Variants in MBD5 observed in about 807,000 individuals in gnomAD.
MBD5 encodes methyl-CpG-binding domain protein 5.
A neutral mutation model predicts 117.3 loss-of-function variants in MBD5; 13 were observed. The observed-to-expected ratio is 0.11, with a 90% confidence interval of 0.07 to 0.18. The LOEUF is 0.18. MBD5 is among the 10% of genes least tolerant of loss of function. The pLI is 1.00. For synonymous variants in MBD5, 727 were observed against 766.4 expected, an observed-to-expected ratio of 0.95 and a Z score of 0.85; for missense variants, 1,879 against 2,093.8, an observed-to-expected ratio of 0.90 and a Z score of 2.00.
intron 12 of MBD5, among the ~76,000 whole-genome samples, chr2:148,507,649 C>T (rs1280059091): frequency 6.6e-6 from 1 of 151,808 alleles, no homozygotes; most frequent in Non-Finnish European, 1.5e-5. Context: ...GTCCCAGCTA[C>T]TCGAGGGGGC....
chr2:148,502,424 A>G lies in MBD5; in HGVS notation c.4963-12A>G, dbSNP rs774986193. 2 of 1,613,532 alleles carry G rather than the reference A, an allele frequency of 1.2e-6. No individual in the cohort carries two copies. The highest frequency in any genetic ancestry group is 1.7e-6 in the Non-Finnish European group (2 of 1,179,528). On this transcript the variant is annotated splice_polypyrimidine_tract_variant and intron_variant, in intron 11 of 13. Coordinates refer to ENST00000642680, the MANE Select transcript of MBD5 (RefSeq NM_001378120.1). ...CTGGGTAATGTGGTTTGGTCTTCAT[A>G]CCTTCACTCAGGTGGAGCCCGAGAA... is the stretch of plus-strand genomic sequence containing the variant.
At position 148,470,026 on chromosome 2, in the gene MBD5, T is replaced by C. The variant is rs1195625553; in HGVS notation, c.2083T>C (p.Ser695Pro). 1 of 1,613,858 alleles carries C rather than the reference T, an allele frequency of 6.2e-7. No homozygotes were observed. Among genetic ancestry groups the C allele is most frequent in the Non-Finnish European group, 8.5e-7 (1 of 1,179,854 alleles). Residue 695 changes from serine (S) to proline (P), a missense_variant, in exon 8 of 14, where the codon TCA (serine) becomes CCA (proline). This residue lies in a region of MBD5 where 1,666 missense variants were observed against 1,792.2 expected (regional missense o/e 0.93). Transcript: ENST00000642680. ...CTTGCTAAGGAAGCAGGGTCAGGGT[T>C]CATTTCCCATCAGTTCAATGTCTCA... ...PDLLRKQGQG[S>P]FPISSMSQLL...
intron 8 of MBD5, among the ~76,000 whole-genome samples, chr2:148,481,239 T>C (rs538441711): frequency 6.6e-6 from 1 of 152,296 alleles, no homozygotes; most frequent in East Asian, 1.9e-4. Context: ...TCAATAAATA[T>C]AGTAAATACA....
At chr2:148,160,155 T>G (rs541397855) in intron 1 of MBD5, among the ~76,000 whole-genome samples, 9 of 152,120 alleles carry the variant, frequency 5.9e-5, no homozygotes, top group Non-Finnish European at 1.2e-4. Context: ...ATCCCAGCAC[T>G]TTGGGAGGCC....
chr2:148,142,896 A>G (rs965697465), intron 1 of MBD5, among the ~76,000 whole-genome samples: 7 of 152,212 alleles, frequency 4.6e-5, no homozygotes, highest in Non-Finnish European at 8.8e-5. Context: ...CAATTAGTAA[A>G]TCCAGGAGAA....
Position 148,125,403 on chromosome 2 carries a change from T to A in MBD5, c.-924-53297T>A, listed in dbSNP as rs149067575. On this transcript the variant is annotated intron_variant, in intron 1 of 13. Transcript: ENST00000642680. ...ATATAATGCTTACAAGCTAAATTAC[T>A]ATTAAATATACATTATGAAAATGGA... 9.1e-3 allele frequency among the ~76,000 whole-genome samples: 1,389 copies of A among 152,350 alleles called. 14 individuals are homozygous for A. Among genetic ancestry groups the A allele is most frequent in the African/African-American group, 0.031 (1,290 of 41,590 alleles).
chr2:148,361,001 C>T (rs1191217596), intron 4 of MBD5, among the ~76,000 whole-genome samples: 4 of 152,090 alleles, frequency 2.6e-5, no homozygotes, highest in Admixed American at 6.5e-5. Flanking sequence ...ATCTTCCCTC[C>T]GCTCCCCTCC....
chr2:148,298,131 A>G (rs1192003741), intron 3 of MBD5, among the ~76,000 whole-genome samples: 1 of 152,200 alleles, frequency 6.6e-6, no homozygotes, highest in Non-Finnish European at 1.5e-5. Context: ...TTTAAGCTCC[A>G]GTGTTCTCAG....
intron 4 of MBD5, among the ~76,000 whole-genome samples, chr2:148,384,631 C>T (rs1704281401): frequency 6.6e-6 from 1 of 151,930 alleles, no homozygotes. Flanking sequence ...CATATGGAAC[C>T]ACAAAAGAGT....
At chr2:148,182,095 G>C (rs994086961) in intron 2 of MBD5, among the ~76,000 whole-genome samples, 1 of 151,918 alleles carries the variant, frequency 6.6e-6, no homozygotes, top group African/African-American at 2.4e-5. Context: ...GAGTAGTAGT[G>C]ATGTTGGCCA....
At chr2:148,352,921 C>G (rs1703280789) in intron 4 of MBD5, among the ~76,000 whole-genome samples, 1 of 152,022 alleles carries the variant, frequency 6.6e-6, no homozygotes, top group Admixed American at 6.6e-5. Context: ...ATTTTATATT[C>G]TATCTACCCA....
At chr2:148,145,121 C>T (rs181132106) in intron 1 of MBD5, among the ~76,000 whole-genome samples, 2,230 of 144,576 alleles carry the variant, frequency 0.015, 26 homozygotes, top group Non-Finnish European at 0.025. Context: ...TCTTTTATTT[C>T]GTTGAGCAGT....
At chr2:148,206,512 A>G (rs1054707638) in intron 2 of MBD5, among the ~76,000 whole-genome samples, 2 of 152,158 alleles carry the variant, frequency 1.3e-5, no homozygotes, top group African/African-American at 4.8e-5. Flanking sequence ...TGAAATATAC[A>G]ACAAAATATT....
At chr2:148,172,142 G>C (rs1375947855) in intron 1 of MBD5, among the ~76,000 whole-genome samples, 1 of 152,234 alleles carries the variant, frequency 6.6e-6, no homozygotes, top group Non-Finnish European at 1.5e-5. Flanking sequence ...GCTGCAGGGG[G>C]GGAGGTGCAG....
intron 4 of MBD5, among the ~76,000 whole-genome samples, chr2:148,453,875 G>C (rs1706803797): frequency 6.6e-6 from 1 of 151,966 alleles, no homozygotes; most frequent in Non-Finnish European, 1.5e-5. Context: ...AAGAAACATG[G>C]CCTGAAATGC....
Position 148,406,100 on chromosome 2 carries a change from T to C in MBD5, c.-556-52103T>C, listed in dbSNP as rs568532935. 3.3e-5 allele frequency among the ~76,000 whole-genome samples: 5 copies of C among 152,166 alleles called. No individual in the cohort carries two copies. The East Asian group carries it at 9.7e-4, about 29-fold the overall frequency. ...ATCCCAGCTACTCCAGAGGCTGAGGTGGGACAATCACTTGAGCCATGAGGC... is the reference window on the plus strand; with the variant it reads ...ATCCCAGCTACTCCAGAGGCTGAGGCGGGACAATCACTTGAGCCATGAGGC... On this transcript the variant is annotated intron_variant, in intron 4 of 13. Transcript: ENST00000642680.
chr2:148,238,157 A>T lies in MBD5; in HGVS notation c.-680+4762A>T, dbSNP rs183788824. On this transcript the variant is annotated intron_variant, in intron 3 of 13. Coordinates refer to ENST00000642680, the MANE Select transcript of MBD5 (RefSeq NM_001378120.1). ...TCTATTTATGCCAAACTTGTTTTAC[A>T]TCATTGTTTCTGTTTTACTGCTGCT... Among the ~76,000 whole-genome samples, 3 of 152,346 alleles carry T rather than the reference A, an allele frequency of 2.0e-5. No homozygotes were observed. The East Asian group carries it at 5.8e-4, about 29-fold the overall frequency.
At chr2:148,120,167 G>A (rs55961509) in intron 1 of MBD5, among the ~76,000 whole-genome samples, 4,319 of 152,192 alleles carry the variant, frequency 0.028, 139 homozygotes, top group Admixed American at 0.067. Flanking sequence ...TTTTGCGTCG[G>A]CCTCCTAAAG....
intron 4 of MBD5, among the ~76,000 whole-genome samples, chr2:148,434,023 T>C (rs1354355289): frequency 6.6e-6 from 1 of 151,836 alleles, no homozygotes; most frequent in Non-Finnish European, 1.5e-5. Flanking sequence ...TGGTCCTGGG[T>C]TTTTTCTGGT....
Sources: allele counts gnomAD v4.1 joint callset (sites outside exome capture counted in the v4.1 genomes callset), GRCh38; gene constraint gnomAD v4.1.1; regional missense constraint gnomAD v4.1.1; transcripts MANE v1.5; gene names NCBI Gene and HGNC (gene_info 2026-07-23, HGNC 2026-07-21).